Variants in ARK2C observed in about 807,000 individuals in gnomAD.
ARK2C encodes E3 ubiquitin-protein ligase ARK2C.
chr18:46,343,255 A>AAG, the ARK2C span, among the ~76,000 whole-genome samples: 1 of 152,176 alleles, frequency 6.6e-6, no homozygotes, highest in Non-Finnish European at 1.5e-5. Context: ...AGTGGAGTGG[A>AAG]GGCAGATAAG....
chr18:46,377,751 C>T, the ARK2C span, among the ~76,000 whole-genome samples: 1 of 152,086 alleles, frequency 6.6e-6, no homozygotes, highest in South Asian at 2.1e-4. Context: ...TGTGATGGGG[C>T]ATTGTGAGAT....
the ARK2C span, among the ~76,000 whole-genome samples, chr18:46,364,642 G>A: frequency 1.3e-5 from 2 of 152,198 alleles, no homozygotes; most frequent in South Asian, 4.1e-4. Flanking sequence ...GTGGCCAAAA[G>A]TGAGGCTGGA....
chr18:46,450,356 C>T, the ARK2C span: 438 of 1,614,110 alleles, frequency 2.7e-4, no homozygotes, highest in African/African-American at 4.6e-3. Flanking sequence ...TCTCCAGGGA[C>T]TAAATCCCAG....
the ARK2C span, chr18:46,461,003 T>A: frequency 3.3e-5 from 5 of 151,978 alleles, no homozygotes; most frequent in Admixed American, 1.3e-4. Context: ...CGGTATCCTC[T>A]GAGGAAAGTC....
the ARK2C span, among the ~76,000 whole-genome samples, chr18:46,452,876 T>C: frequency 7.6e-4 from 115 of 152,274 alleles, no homozygotes; most frequent in Middle Eastern, 3.4e-3. Context: ...GACAACTTCT[T>C]GGCTTTTCTG....
At chr18:46,371,825 T>C in the ARK2C span, among the ~76,000 whole-genome samples, 1 of 152,256 alleles carries the variant, frequency 6.6e-6, no homozygotes, top group Non-Finnish European at 1.5e-5. Flanking sequence ...GGAATTTACC[T>C]GTGTCCAAGG....
the ARK2C span, among the ~76,000 whole-genome samples, chr18:46,396,298 G>T: frequency 6.6e-6 from 1 of 151,906 alleles, no homozygotes; most frequent in Non-Finnish European, 1.5e-5. Context: ...GGCCATTTTT[G>T]TAGTTGTTGT....
At chr18:46,447,247 C>T in the ARK2C span, among the ~76,000 whole-genome samples, 3 of 152,034 alleles carry the variant, frequency 2.0e-5, no homozygotes, top group Non-Finnish European at 2.9e-5. Flanking sequence ...CTGGCTTGCT[C>T]GATTTAGATT....
chr18:46,419,627 G>A, the ARK2C span, among the ~76,000 whole-genome samples: 15 of 152,338 alleles, frequency 9.8e-5, no homozygotes, highest in South Asian at 4.1e-4. Flanking sequence ...AGCAATGAGC[G>A]GAGTGGGCAG....
At chr18:46,443,878 T>C in the ARK2C span, among the ~76,000 whole-genome samples, 2 of 152,226 alleles carry the variant, frequency 1.3e-5, no homozygotes, top group African/African-American at 2.4e-5. Flanking sequence ...AGTTTCTGTC[T>C]GGTGTTATTT....
At chr18:46,350,746 T>C in the ARK2C span, among the ~76,000 whole-genome samples, 110 of 152,318 alleles carry the variant, frequency 7.2e-4, no homozygotes, top group African/African-American at 2.4e-3. Context: ...GATCATATGA[T>C]ACTAATGTCA....
At chr18:46,434,947 C>T in the ARK2C span, among the ~76,000 whole-genome samples, 1 of 152,112 alleles carries the variant, frequency 6.6e-6, no homozygotes, top group Non-Finnish European at 1.5e-5. Flanking sequence ...GTCTGTGTGT[C>T]TTGAAGATGG....
chr18:46,364,296 T>C, the ARK2C span, among the ~76,000 whole-genome samples: 12 of 151,808 alleles, frequency 7.9e-5, no homozygotes, highest in African/African-American at 2.9e-4. Context: ...CTTCCTGCCC[T>C]CCCCACCTCC....
chr18:46,415,085 C>T, the ARK2C span, among the ~76,000 whole-genome samples: 2 of 152,210 alleles, frequency 1.3e-5, no homozygotes, highest in Non-Finnish European at 1.5e-5. Context: ...TGCGCTGCTG[C>T]AGTTTCAGGG....
At chr18:46,357,248 G>A in the ARK2C span, among the ~76,000 whole-genome samples, 4 of 152,194 alleles carry the variant, frequency 2.6e-5, no homozygotes, top group African/African-American at 9.7e-5. Flanking sequence ...CTCTTCCCCA[G>A]TGGTAACAGT....
the ARK2C span, among the ~76,000 whole-genome samples, chr18:46,433,828 T>C: frequency 6.6e-6 from 1 of 152,234 alleles, no homozygotes; most frequent in South Asian, 2.1e-4. Context: ...TAACTGGTGG[T>C]CCACGATCCT....
At chr18:46,462,829 A>G in the ARK2C span, 4 of 152,266 alleles carry the variant, frequency 2.6e-5, no homozygotes, top group East Asian at 5.8e-4. Context: ...TTTCTCAGCC[A>G]TGGAGCCAGC....
the ARK2C span, among the ~76,000 whole-genome samples, chr18:46,392,713 C>T: frequency 2.0e-5 from 3 of 152,192 alleles, no homozygotes; most frequent in Non-Finnish European, 4.4e-5. Context: ...AGTCTCTCCC[C>T]TCTGGGTGCC....
At chr18:46,336,306 T>G in the ARK2C span, 1 of 985,310 alleles carries the variant, frequency 1.0e-6, no homozygotes. Flanking sequence ...GGATGCTGAT[T>G]CCATGTTTTG....
Sources: gnomAD v4.1 joint callset for allele counts (sites outside exome capture counted in the v4.1 genomes callset) on GRCh38, gnomAD v4.1.1 for gene constraint, MANE v1.5 for transcripts, NCBI Gene and HGNC (gene_info 2026-07-23, HGNC 2026-07-21) for gene names.